Variants in XG observed in about 807,000 individuals in gnomAD.
XG encodes the protein glycoprotein Xg.
Under a neutral mutation model 25.7 loss-of-function variants are expected in XG, and 24 were observed. That is an observed-to-expected ratio of 0.93 (90% confidence interval 0.68 to 1.31). XG has a LOEUF of 1.31. Ranked by LOEUF, XG falls within the 40% of genes most tolerant of loss-of-function variation. The pLI is 0.00. For synonymous variants in XG, 77 were observed against 69.2 expected, an observed-to-expected ratio of 1.11 and a Z score of -0.56; for missense variants, 181 against 187.6, an observed-to-expected ratio of 0.96 and a Z score of 0.21.
rs1198118904 is a variant in XG, at chrX:2,783,083, C to G, written c.190+955C>G. On this transcript the variant is annotated intron_variant, in intron 4 of 10. Transcript: ENST00000644266. ...TAATTTTTGCAAAGGCCGTTTGATA[C>G]TCAAAGGACACTTTGCATTATCATC... 3.6e-5 allele frequency among the ~76,000 whole-genome samples: 4 copies of G among 111,358 alleles called. 1 individual carries two copies. In the Admixed American group the frequency reaches 3.8e-4, roughly 11 times the overall value.
At chrX:2,801,780 C>G (rs780322674) in intron 7 of XG, among the ~76,000 whole-genome samples, 1 of 111,008 alleles carries the variant, frequency 9.0e-6, no homozygotes, top group South Asian at 3.8e-4. Context: ...GTCATCTCGG[C>G]TCACTGCAAG....
intron 2 of XG, among the ~76,000 whole-genome samples, chrX:2,773,187 CAAG>C (rs975298197): frequency 7.2e-6 from 1 of 138,252 alleles, no homozygotes; most frequent in Non-Finnish European, 1.5e-5. Context: ...AGGATGGAAA[CAAG>C]GAGGGAAGAA....
At chrX:2,753,910 A>G (rs1243258305) in intron 1 of XG, among the ~76,000 whole-genome samples, 1 of 152,052 alleles carries the variant, frequency 6.6e-6, no homozygotes, top group East Asian at 1.9e-4. Context: ...TTTCAGTACA[A>G]TGTTCAATAA....
intron 7 of XG, among the ~76,000 whole-genome samples, chrX:2,804,672 A>G: frequency 9.0e-6 from 1 of 111,658 alleles, no homozygotes; most frequent in Non-Finnish European, 1.9e-5. Context: ...AGGTAGAAAG[A>G]AGTGATTCAG....
intron 7 of XG, among the ~76,000 whole-genome samples, chrX:2,801,731 C>T (rs191966660): frequency 0.051 from 5,548 of 109,832 alleles, 409 homozygotes; most frequent in African/African-American, 0.18. Flanking sequence ...TTTTTTGAGA[C>T]GGAGTCTCGC....
chrX:2,801,999 GC>G (rs1482326995), intron 7 of XG, among the ~76,000 whole-genome samples: 1 of 110,727 alleles, frequency 9.0e-6, no homozygotes, highest in African/African-American at 3.3e-5. Context: ...GAGCCACCGC[GC>G]CCGGCCACAG....
intron 7 of XG, among the ~76,000 whole-genome samples, chrX:2,805,104 G>A (rs894070914): frequency 8.9e-6 from 1 of 112,294 alleles, no homozygotes; most frequent in Non-Finnish European, 1.9e-5. Context: ...GATGAGTCAC[G>A]CGGCTTCTCC....
At chrX:2,804,748 G>A (rs2086978340) in intron 7 of XG, among the ~76,000 whole-genome samples, 1 of 111,537 alleles carries the variant, frequency 9.0e-6, no homozygotes, top group South Asian at 3.8e-4. Context: ...CGGGAGGTCT[G>A]CGCTGTGCCA....
At chrX:2,789,374 C>T (rs1394191327) in intron 4 of XG, among the ~76,000 whole-genome samples, 1 of 112,283 alleles carries the variant, frequency 8.9e-6, no homozygotes, top group Non-Finnish European at 1.9e-5. Context: ...TCTGTAGTAG[C>T]CCTAAACAGG....
chrX:2,795,978 T>A (rs1462127976), intron 6 of XG, among the ~76,000 whole-genome samples: 1 of 110,319 alleles, frequency 9.1e-6, no homozygotes, highest in East Asian at 2.8e-4. Flanking sequence ...TTCTAATGTA[T>A]CTTTATATAT....
chrX:2,776,612 A>G (rs1371706411), intron 3 of XG, among the ~76,000 whole-genome samples: 3 of 152,028 alleles, frequency 2.0e-5, no homozygotes, highest in Non-Finnish European at 4.4e-5. Flanking sequence ...TGAGTAAAGG[A>G]AAAGGGAGAG....
chrX:2,771,854 T>C (rs1252751773), intron 2 of XG, among the ~76,000 whole-genome samples: 1 of 152,172 alleles, frequency 6.6e-6, no homozygotes, highest in East Asian at 1.9e-4. Context: ...AAAAGGCAGA[T>C]ACAAAATTGT....
At chrX:2,767,060 T>G (rs1021415364) in intron 1 of XG, among the ~76,000 whole-genome samples, 2 of 141,382 alleles carry the variant, frequency 1.4e-5, no homozygotes, top group African/African-American at 4.9e-5. Flanking sequence ...GAGAAACTTC[T>G]GCTTCTGAGG....
At chrX:2,779,469 T>C (rs1161767040) in intron 3 of XG, among the ~76,000 whole-genome samples, 1 of 152,106 alleles carries the variant, frequency 6.6e-6, no homozygotes, top group African/African-American at 2.4e-5. Flanking sequence ...AAGAGGCTCC[T>C]TACTGCTCAT....
At chrX:2,781,584 A>G (rs6655038) in intron 3 of XG, among the ~76,000 whole-genome samples, 3,699 of 112,368 alleles carry the variant, frequency 0.033, 164 homozygotes, top group African/African-American at 0.11. Flanking sequence ...GATAATTTCC[A>G]GGCCTTCTCC....
chrX:2,788,445 C>T (rs1393937079), intron 4 of XG, among the ~76,000 whole-genome samples: 3 of 112,026 alleles, frequency 2.7e-5, no homozygotes, highest in Admixed American at 9.5e-5. Context: ...ACAGGAGGGA[C>T]GAGCTAATTA....
rs190105687 is a variant in XG at position 2,755,739 on chromosome X, A to T, written c.61+3404A>T. ...CTTCTGTGTAAATAAGATGATGTAC[A>T]TGCAGCAGCTGGGTATGTCCTGGGT... On this transcript the variant is annotated intron_variant, in intron 1 of 10. Transcript: ENST00000644266. Among the ~76,000 whole-genome samples, 4 of 152,284 alleles carry T rather than the reference A, an allele frequency of 2.6e-5. No homozygotes were observed. The East Asian group carries it at 7.7e-4, about 29-fold the overall frequency.
chrX:2,759,169 G>GTT (rs2050506088), intron 1 of XG, among the ~76,000 whole-genome samples: 1 of 152,160 alleles, frequency 6.6e-6, no homozygotes, highest in Non-Finnish European at 1.5e-5. Context: ...AATTTTGGTA[G>GTT]TTGCACTGGG....
At chrX:2,783,449 C>A (rs760036481) in intron 4 of XG, among the ~76,000 whole-genome samples, 1 of 112,216 alleles carries the variant, frequency 8.9e-6, no homozygotes, top group African/African-American at 3.2e-5. Flanking sequence ...ATCAGCAGTT[C>A]AACAACCTTA....
Sources: allele counts gnomAD v4.1 joint callset (sites outside exome capture counted in the v4.1 genomes callset), GRCh38; gene constraint gnomAD v4.1.1; transcripts MANE v1.5; gene names NCBI Gene and HGNC (gene_info 2026-07-23, HGNC 2026-07-21).